The following GALNT13 variants were observed in gnomAD, a reference collection of about 807,000 sequenced individuals.
GALNT13 encodes polypeptide N-acetylgalactosaminyltransferase 13.
In GALNT13, 28 loss-of-function variants were observed where a neutral mutation model predicts 64.2. The ratio of observed to expected loss-of-function variants is 0.44; its 90% CI spans 0.32 to 0.60. The LOEUF (loss-of-function observed/expected upper bound fraction) is 0.60, where lower values mean the gene tolerates loss of function less well. GALNT13 is among the 20% of genes least tolerant of loss of function. The pLI is 0.05. For synonymous variants in GALNT13, 214 were observed against 224.6 expected, an observed-to-expected ratio of 0.95 and a Z score of 0.42; for missense variants, 577 against 669.8, an observed-to-expected ratio of 0.86 and a Z score of 1.53.
At chr2:153,926,872 C>T (rs1690176065) in intron 2 of GALNT13, among the ~76,000 whole-genome samples, 1 of 152,070 alleles carries the variant, frequency 6.6e-6, no homozygotes, top group Admixed American at 6.6e-5. Flanking sequence ...ATAATAAATA[C>T]TATTTCTAGT....
chr2:154,304,848 G>A (rs1192656839), intron 9 of GALNT13, among the ~76,000 whole-genome samples: 4 of 152,204 alleles, frequency 2.6e-5, no homozygotes, highest in Non-Finnish European at 5.9e-5. Flanking sequence ...TTTGGGGAAT[G>A]TGTTGAAGAT....
intron 2 of GALNT13, among the ~76,000 whole-genome samples, chr2:153,932,506 C>A (rs2218449): frequency 0.24 from 36,718 of 151,416 alleles, 4,742 homozygotes; most frequent in Non-Finnish European, 0.28. Flanking sequence ...CAAAGAATTT[C>A]TTGATTTCTA....
the GALNT13 span, among the ~76,000 whole-genome samples, chr2:153,498,641 C>T: frequency 6.6e-6 from 1 of 152,180 alleles, no homozygotes; most frequent in Non-Finnish European, 1.5e-5. Flanking sequence ...CAGTGGTGTC[C>T]AGAAGCTTGG....
At chr2:154,105,127 C>T (rs1304723713) in intron 3 of GALNT13, among the ~76,000 whole-genome samples, 1 of 151,934 alleles carries the variant, frequency 6.6e-6, no homozygotes, top group Non-Finnish European at 1.5e-5. Flanking sequence ...TGCTACCCTC[C>T]TTTTCTGCAC....
At chr2:154,014,635 C>CATTTTTTTTTTT (rs1696876703) in intron 3 of GALNT13, among the ~76,000 whole-genome samples, 1 of 77,228 alleles carries the variant, frequency 1.3e-5, no homozygotes. Flanking sequence ...GATAATTCTC[C>CATTTTTTTTTTT]TTTTTTTTTT....
chr2:154,430,895 T>G (rs1436097922), intron 11 of GALNT13, among the ~76,000 whole-genome samples: 2 of 152,146 alleles, frequency 1.3e-5, no homozygotes, highest in African/African-American at 4.8e-5. Context: ...TTGTTAGCAT[T>G]TTTAACGATA....
the GALNT13 span, among the ~76,000 whole-genome samples, chr2:153,667,390 C>T: frequency 6.6e-6 from 1 of 152,236 alleles, no homozygotes; most frequent in African/African-American, 2.4e-5. Flanking sequence ...TGGCTGGTCA[C>T]CTATAAAGGG....
the GALNT13 span, among the ~76,000 whole-genome samples, chr2:153,447,121 TAATAA>T: frequency 6.6e-6 from 1 of 152,222 alleles, no homozygotes; most frequent in Admixed American, 6.5e-5. Context: ...CTTGTCGCCC[TAATAA>T]AATAAACCTA....
chr2:153,953,689 G>A (rs145758670), intron 3 of GALNT13, among the ~76,000 whole-genome samples: 1 of 152,206 alleles, frequency 6.6e-6, no homozygotes, highest in African/African-American at 2.4e-5. Context: ...ACACCCTCCA[G>A]GTCTCCCTAG....
chr2:153,505,882 G>T, the GALNT13 span, among the ~76,000 whole-genome samples: 1 of 152,074 alleles, frequency 6.6e-6, no homozygotes, highest in Non-Finnish European at 1.5e-5. Flanking sequence ...ATTTGTTCTA[G>T]GATATAGTTT....
intron 9 of GALNT13, among the ~76,000 whole-genome samples, chr2:154,346,086 T>C (rs1696052120): frequency 2.0e-5 from 3 of 152,052 alleles, no homozygotes; most frequent in Admixed American, 1.3e-4. Flanking sequence ...GGTTCAAGCC[T>C]AGCTCCAGTC....
chr2:153,132,845 C>G, the GALNT13 span, among the ~76,000 whole-genome samples: 5 of 152,002 alleles, frequency 3.3e-5, no homozygotes, highest in African/African-American at 1.2e-4. Context: ...CTCAGCCTCC[C>G]TAGTAGCAGG....
chr2:153,332,534 G>GTTTTTTTTTTTTTTTTT, the GALNT13 span, among the ~76,000 whole-genome samples: 17 of 136,242 alleles, frequency 1.2e-4, no homozygotes, highest in East Asian at 2.8e-3. Context: ...TGAGAGTATT[G>GTTTTTTTTTTTTTTTTT]TTTTTTTTTT....
chr2:153,397,274 C>A, the GALNT13 span, among the ~76,000 whole-genome samples: 1 of 152,076 alleles, frequency 6.6e-6, no homozygotes, highest in Non-Finnish European at 1.5e-5. Context: ...ATGTTCAAAT[C>A]TATGCATTTT....
the GALNT13 span, among the ~76,000 whole-genome samples, chr2:153,653,204 T>C: frequency 6.6e-6 from 1 of 151,776 alleles, no homozygotes; most frequent in African/African-American, 2.4e-5. Flanking sequence ...TTGTTAGGGA[T>C]CAACACATGT....
intron 11 of GALNT13, among the ~76,000 whole-genome samples, chr2:154,435,555 T>TAATCAG (rs1700924167): frequency 1.3e-5 from 2 of 152,170 alleles, no homozygotes; most frequent in Non-Finnish European, 2.9e-5. Context: ...ATCTAGAGGG[T>TAATCAG]CATAATACAA....
At chr2:153,688,408 C>T in the GALNT13 span, among the ~76,000 whole-genome samples, 2 of 151,982 alleles carry the variant, frequency 1.3e-5, no homozygotes, top group Non-Finnish European at 2.9e-5. Context: ...TCACTAAATA[C>T]TTTTACTACT....
the GALNT13 span, among the ~76,000 whole-genome samples, chr2:153,153,642 T>C: frequency 2.6e-3 from 395 of 150,610 alleles, 2 homozygotes; most frequent in African/African-American, 8.9e-3. Context: ...ATTTTTTGAG[T>C]AGGAAGTCCT....
At chr2:154,329,842 T>C (rs1379395111) in intron 9 of GALNT13, among the ~76,000 whole-genome samples, 1 of 152,038 alleles carries the variant, frequency 6.6e-6, no homozygotes, top group Non-Finnish European at 1.5e-5. Context: ...CTCTCTCCTG[T>C]GATCTCTGTG....
Sources: allele counts gnomAD v4.1 joint callset (sites outside exome capture counted in the v4.1 genomes callset), GRCh38; gene constraint gnomAD v4.1.1; transcripts MANE v1.5; gene names NCBI Gene and HGNC (gene_info 2026-07-23, HGNC 2026-07-21).